CFAP57: variants seen among roughly 807,000 people sequenced by gnomAD.
CFAP57 encodes cilia and flagella associated protein 57.
In CFAP57, 116 loss-of-function variants were observed where a neutral mutation model predicts 146.8. That is an observed-to-expected ratio of 0.79 (90% CI 0.68 to 0.92). The LOEUF (loss-of-function observed/expected upper bound fraction) is 0.92, where lower values mean the gene tolerates loss of function less well. Among genes scored for constraint, CFAP57 ranks in the 40% least tolerant of loss-of-function variants. CFAP57 has a pLI of 0.00. For synonymous variants in CFAP57, 518 were observed against 552.8 expected (o/e 0.94, Z 0.88); for missense variants, 1,377 against 1,527.2 (o/e 0.90, Z 1.64).
At chr1:43,248,484 AT>A (rs113730554) in intron 22 of CFAP57, among the ~76,000 whole-genome samples, 42 of 149,146 alleles carry the variant, frequency 2.8e-4, no homozygotes, top group African/African-American at 8.6e-4. Context: ...GACCTGGCTA[AT>A]TTTTTTTTGT....
intron 2 of CFAP57, among the ~76,000 whole-genome samples, chr1:43,176,859 G>A (rs1251429073): frequency 6.6e-6 from 1 of 152,196 alleles, no homozygotes; most frequent in Non-Finnish European, 1.5e-5. Context: ...TGGCTGTGCT[G>A]ATGTGGGAGG....
chr1:43,206,584 TG>T (rs1644365668), intron 9 of CFAP57, 135 bp from the exon 10 acceptor site: 1 of 774,498 alleles, frequency 1.3e-6, no homozygotes, highest in African/African-American at 1.7e-5. Context: ...CTATGTTTTG[TG>T]CTAACAGAAG....
chr1:43,191,000 C>A (rs145601986), intron 6 of CFAP57, among the ~76,000 whole-genome samples: 1 of 152,086 alleles, frequency 6.6e-6, no homozygotes, highest in African/African-American at 2.4e-5. Flanking sequence ...GGAAGTGTTC[C>A]AGCCTCTTCT....
intron 18 of CFAP57, among the ~76,000 whole-genome samples, chr1:43,227,759 C>T (rs527849145): frequency 6.6e-6 from 1 of 152,308 alleles, no homozygotes; most frequent in Admixed American, 6.5e-5. Context: ...CCCCATCAGC[C>T]TCCCCTGCTG....
At chr1:43,249,585 A>C (rs1230023776) in intron 22 of CFAP57, among the ~76,000 whole-genome samples, 2 of 134,054 alleles carry the variant, frequency 1.5e-5, no homozygotes, top group African/African-American at 5.6e-5. Context: ...ACACGCCACC[A>C]CACCCAGCTA....
intron 22 of CFAP57, among the ~76,000 whole-genome samples, chr1:43,252,192 G>T (rs1646341576): frequency 6.6e-6 from 1 of 152,052 alleles, no homozygotes. Flanking sequence ...AAAAGAAAGA[G>T]TCAAAGCAAA....
At chr1:43,226,941 G>C in intron 17 of CFAP57, 42 bp from the exon 18 acceptor site, 1 of 1,463,350 alleles carries the variant, frequency 6.8e-7, no homozygotes, top group Non-Finnish European at 9.0e-7. Context: ...AGTATACCAG[G>C]GCCTTACAAT....
chr1:43,251,473 C>T (rs981541947), intron 22 of CFAP57, among the ~76,000 whole-genome samples: 14 of 152,084 alleles, frequency 9.2e-5, no homozygotes, highest in African/African-American at 3.4e-4. Context: ...TCCTGAAGAA[C>T]GAACTCAGAT....
rs915763955 is a variant in CFAP57, at chr1:43,222,918, C to T, written c.2627C>T (p.Thr876Ile). Residue 876 changes from threonine to isoleucine, a missense_variant, in exon 16 of 23, where the codon ACC (threonine) becomes ATC (isoleucine). Coordinates refer to ENST00000372492, the MANE Select transcript of CFAP57 (RefSeq NM_001378189.1). ...DEDREIQDIK[T>I]KYEKKLRDEK... Reference sequence around the variant, plus strand: ...GACCGAGAAATCCAAGATATCAAAACCAAGTATGAGAAAAAGCTTCGGGAT... The same window carrying T: ...GACCGAGAAATCCAAGATATCAAAATCAAGTATGAGAAAAAGCTTCGGGAT... 1.9e-6 allele frequency: 3 copies of T among 1,550,242 alleles called. No individual in the cohort carries two copies. The highest frequency in any genetic ancestry group is 2.4e-5 in the South Asian group (2 of 84,030).
At position 43,206,902 on chromosome 1, in the gene CFAP57, C is replaced by G. The variant is rs755691126; in HGVS notation, c.1725C>G (p.Asp575Glu). The change falls in exon 10 of 23, where the codon GAC becomes GAG. Residue 575 changes from aspartate to glutamate, a missense_variant. Asp to Glu is a conservative substitution (Grantham distance 45). Coordinates refer to ENST00000372492, the MANE Select transcript of CFAP57 (RefSeq NM_001378189.1). Reference protein sequence around the residue: ...DAKIIFAVGSDHTLKEIADSL... With the variant: ...DAKIIFAVGSEHTLKEIADSL... ...AAATTATCTTTGCTGTTGGATCAGA[C>G]CACACCCTCAAGGAGATTGCAGATT... 6.2e-7 allele frequency: 1 copy of G among 1,614,118 alleles called. No individual in the cohort carries two copies. The highest frequency in any genetic ancestry group is 8.5e-7 in the Non-Finnish European group (1 of 1,180,026).
rs1643250395 is a variant in CFAP57, at chr1:43,187,888, T to C, written c.1122+1029T>C. On this transcript the variant is annotated intron_variant, in intron 6 of 22. Coordinates refer to ENST00000372492, the MANE Select transcript of CFAP57 (RefSeq NM_001378189.1). ...GTGTGATCATGGCTCACTGCAGCCT[T>C]GACCTCCTGGGCTCCAGCAATCTTC... Among the ~76,000 whole-genome samples, 2 of 152,180 alleles carry C rather than the reference T, an allele frequency of 1.3e-5. 1 individual carries two copies. The highest frequency in any genetic ancestry group is 4.1e-4 in the South Asian group (2 of 4,826).
At chr1:43,219,582 T>C in intron 13 of CFAP57, 45 bp downstream of exon 13, 1 of 1,548,420 alleles carries the variant, frequency 6.5e-7, no homozygotes, top group Non-Finnish European at 8.7e-7. Context: ...ACAAGAAATT[T>C]CCACTTTCAA....
At chr1:43,213,802 AT>A (rs1470650514) in intron 11 of CFAP57, among the ~76,000 whole-genome samples, 1 of 151,232 alleles carries the variant, frequency 6.6e-6, no homozygotes, top group Non-Finnish European at 1.5e-5. Context: ...TTCCCTGATG[AT>A]TAGTGATGTT....
At chr1:43,209,366 A>G (rs150106635) in intron 10 of CFAP57, among the ~76,000 whole-genome samples, 214 of 152,366 alleles carry the variant, frequency 1.4e-3, no homozygotes, top group African/African-American at 5.1e-3. Context: ...TGCCTTTCAC[A>G]CAGATGGTCC....
Position 43,234,042 on chromosome 1 carries a change from G to A in CFAP57, c.3127-237G>A, listed in dbSNP as rs961571823. Among the ~76,000 whole-genome samples, 9 of 152,296 alleles carry A rather than the reference G, an allele frequency of 5.9e-5. No homozygotes were observed. In the East Asian group the frequency reaches 1.7e-3, roughly 29 times the overall value. ...TGGCCTCTTAAGGATGAAGCCCCAT[G>A]TAGGCTGTTCAGGCTGGGTGTCCAG... On this transcript the variant is annotated intron_variant, in intron 19 of 22. Coordinates refer to ENST00000372492, the MANE Select transcript of CFAP57 (RefSeq NM_001378189.1).
At chr1:43,180,075 A>G (rs1244758801) in intron 2 of CFAP57, among the ~76,000 whole-genome samples, 4 of 151,754 alleles carry the variant, frequency 2.6e-5, no homozygotes, top group Non-Finnish European at 5.9e-5. Context: ...GCATGGTGGC[A>G]CATGCCTGTA....
chr1:43,173,544 A>C (rs1023096807), intron 2 of CFAP57, among the ~76,000 whole-genome samples: 3 of 152,220 alleles, frequency 2.0e-5, no homozygotes, highest in Non-Finnish European at 1.5e-5. Flanking sequence ...TAGGAAACAG[A>C]ATATTACCAG....
At chr1:43,191,377 G>A (rs1643510208) in intron 6 of CFAP57, among the ~76,000 whole-genome samples, 1 of 152,036 alleles carries the variant, frequency 6.6e-6, no homozygotes, top group African/African-American at 2.4e-5. Context: ...CACGAGCTCA[G>A]GAGATTGAGA....
At chr1:43,210,007 C>T (rs755957300) in intron 11 of CFAP57, 91 bp downstream of exon 11, 2 of 1,613,202 alleles carry the variant, frequency 1.2e-6, no homozygotes, top group Non-Finnish European at 1.7e-6. Context: ...TCTTTTCTCT[C>T]TCCTTCTTCT....
Sources: gnomAD v4.1 joint callset for allele counts (sites outside exome capture counted in the v4.1 genomes callset) on GRCh38, gnomAD v4.1.1 for gene constraint, MANE v1.5 for transcripts, NCBI Gene and HGNC (gene_info 2026-07-23, HGNC 2026-07-21) for gene names.